Variants in NFATC2 observed in about 807,000 individuals in gnomAD.
NFATC2 encodes the protein nuclear factor of activated T-cells, cytoplasmic 2.
In NFATC2, 22 loss-of-function variants were observed where a neutral mutation model predicts 87.3. The observed-to-expected ratio is 0.25, with a 90% CI of 0.18 to 0.36. NFATC2 has a LOEUF of 0.36. Among genes scored for constraint, NFATC2 ranks in the 10% least tolerant of loss-of-function variants. NFATC2 has a pLI of 1.00. For missense variants in NFATC2, 1,149 were observed against 1,259.1 expected (o/e 0.91, Z 1.32); for synonymous variants, 565 against 542.2 (o/e 1.04, Z -0.58).
intron 3 of NFATC2, among the ~76,000 whole-genome samples, chr20:51,492,271 G>A (rs1165873062): frequency 6.6e-6 from 1 of 151,456 alleles, no homozygotes; most frequent in Non-Finnish European, 1.5e-5. Flanking sequence ...TGGCACCACC[G>A]AGCCCCGCCG....
chr20:51,432,851 G>T lies in NFATC2; in HGVS notation c.2033-95C>A. 1 of 1,147,634 alleles carries T rather than the reference G, an allele frequency of 8.7e-7. No individual in the cohort carries two copies. The highest frequency in any genetic ancestry group is 1.2e-6 in the Non-Finnish European group (1 of 851,190). 71.1% of individuals were successfully genotyped at this position (1,147,634 alleles called of 1,614,324 possible). ...GATGGTGCTTGAGAACATGGCCTTGGGAGTCCATACGGGTGGGACAAACAG... is the reference window on the plus strand; with the variant it reads ...GATGGTGCTTGAGAACATGGCCTTGTGAGTCCATACGGGTGGGACAAACAG... On this transcript the variant is annotated intron_variant, in intron 8 of 10. Coordinates refer to ENST00000371564, the MANE Select transcript of NFATC2 (RefSeq NM_012340.5). This position sits in a 1 kb window ranked among gnomAD's most constrained non-coding sequence, Gnocchi z 4.6.
chr20:51,501,652 T>A (rs951608463), intron 3 of NFATC2, among the ~76,000 whole-genome samples: 5 of 152,222 alleles, frequency 3.3e-5, no homozygotes, highest in Admixed American at 3.3e-4. Context: ...CCAGTCACTT[T>A]CCATCCCCCA....
chr20:51,536,912 C>A (rs977544660), intron 1 of NFATC2, among the ~76,000 whole-genome samples: 1 of 152,012 alleles, frequency 6.6e-6, no homozygotes, highest in African/African-American at 2.4e-5. Context: ...CACACACACA[C>A]ACACACACAC....
intron 2 of NFATC2, among the ~76,000 whole-genome samples, chr20:51,521,219 G>A (rs1475893805): frequency 1.3e-5 from 2 of 152,242 alleles, no homozygotes; most frequent in Non-Finnish European, 2.9e-5. Flanking sequence ...ATTTTCATCT[G>A]GTATGGGGGT....
chr20:51,446,828 G>A (rs976806692), intron 6 of NFATC2, among the ~76,000 whole-genome samples: 11 of 152,204 alleles, frequency 7.2e-5, no homozygotes, highest in Middle Eastern at 3.2e-3. Context: ...AGCCCGGGGG[G>A]CCACTGACAC....
chr20:51,407,589 G>A (rs1978529270), intron 9 of NFATC2, among the ~76,000 whole-genome samples: 1 of 152,194 alleles, frequency 6.6e-6, no homozygotes, highest in Non-Finnish European at 1.5e-5. Context: ...TGGTCACAAA[G>A]GAGGAGACAG....
intron 10 of NFATC2, among the ~76,000 whole-genome samples, chr20:51,396,026 A>ATTTGCCAAAACAG (rs1987028627): frequency 1.6e-5 from 2 of 126,712 alleles, no homozygotes; most frequent in African/African-American, 5.8e-5. Flanking sequence ...GTAGTTTGTC[A>ATTTGCCAAAACAG]GCTCCTAGTA....
intron 5 of NFATC2, among the ~76,000 whole-genome samples, 165 bp from the exon 6 acceptor site, chr20:51,454,853 T>C (rs553343354): frequency 1.3e-5 from 2 of 152,328 alleles, no homozygotes; most frequent in East Asian, 3.9e-4. Context: ...GACGTACAAA[T>C]GTTATGCCTT....
Position 51,523,148 on chromosome 20 carries a change from G to A in NFATC2, c.1093C>T (p.Pro365Ser). 1 of 1,614,240 alleles carries A rather than the reference G, an allele frequency of 6.2e-7. No individual in the cohort carries two copies. The highest frequency in any genetic ancestry group is 2.2e-5 in the East Asian group (1 of 44,890). Residue 365 changes from proline to serine, a missense_variant, in exon 2 of 11, where the codon CCA (proline) becomes TCA (serine). Transcript: ENST00000371564. This position sits in a 1 kb window ranked among gnomAD's most constrained non-coding sequence, Gnocchi z 6.9. ...GGCGGAACCAGCAGGATGGATTCTG[G>A]AGCCGAGTTTCTCCTCTCGCCCTGC... ...CEQGERRNSAPESILLVPPTW... is the reference protein window; with the variant it reads ...CEQGERRNSASESILLVPPTW...
chr20:51,442,138 A>T (rs1038386188), intron 6 of NFATC2, among the ~76,000 whole-genome samples: 1 of 152,180 alleles, frequency 6.6e-6, no homozygotes, highest in Non-Finnish European at 1.5e-5. Flanking sequence ...TGTTATATTA[A>T]AAAGCAGATT....
chr20:51,491,989 A>G (rs1481401327), intron 3 of NFATC2, among the ~76,000 whole-genome samples: 1 of 149,560 alleles, frequency 6.7e-6, no homozygotes, highest in Non-Finnish European at 1.5e-5. Context: ...GCACACACAT[A>G]CCCCCAGCCC....
intron 6 of NFATC2, 30 bp from the exon 7 acceptor site, chr20:51,435,791 A>T: frequency 6.4e-7 from 1 of 1,568,796 alleles, no homozygotes. Context: ...ACAGACTTTG[A>T]AGGAACTATT....
At chr20:51,541,215 A>G (rs1357200830) in intron 1 of NFATC2, among the ~76,000 whole-genome samples, 1 of 152,010 alleles carries the variant, frequency 6.6e-6, no homozygotes, top group East Asian at 1.9e-4. Context: ...CCTCCTTGAC[A>G]GGCTTCCTCC....
Position 51,387,819 on chromosome 20 carries a change from T to G in NFATC2, c.*3677A>C, listed in dbSNP as rs772926862. On this transcript the variant is annotated 3_prime_UTR_variant, in exon 11 of 11. Coordinates refer to ENST00000371564, the MANE Select transcript of NFATC2 (RefSeq NM_012340.5). ...CTCTTGTAAACTTGAAATGAAAACATTCTTTCAATTCTGAGCAATAGAAAG... is the reference window on the plus strand; with the variant it reads ...CTCTTGTAAACTTGAAATGAAAACAGTCTTTCAATTCTGAGCAATAGAAAG... 1.3e-5 allele frequency: 2 copies of G among 151,646 alleles called. No individual in the cohort carries two copies. The highest frequency in any genetic ancestry group is 2.1e-4 in the South Asian group (1 of 4,796). 9.4% of individuals were successfully genotyped at this position (151,646 alleles called of 1,614,324 possible).
At chr20:51,415,418 G>T (rs1357001901) in intron 9 of NFATC2, among the ~76,000 whole-genome samples, 3 of 152,224 alleles carry the variant, frequency 2.0e-5, no homozygotes, top group Non-Finnish European at 4.4e-5. Flanking sequence ...CACGCAGCAG[G>T]TATCTGGATG....
chr20:51,515,005 C>T (rs1372539877), intron 3 of NFATC2, among the ~76,000 whole-genome samples: 1 of 152,222 alleles, frequency 6.6e-6, no homozygotes, highest in Non-Finnish European at 1.5e-5. Context: ...TGCCTGGGGA[C>T]AGCTCCCCTG....
At chr20:51,522,963 A>C in intron 2 of NFATC2, 118 bp downstream of exon 2, 1 of 1,393,474 alleles carries the variant, frequency 7.2e-7, no homozygotes. Context: ...GGGCCAAGCC[A>C]AGATTTAAAT....
At position 51,401,615 on chromosome 20, in the gene NFATC2, T is replaced by TCTC. The variant is rs563554368; in HGVS notation, c.2723-2886_2723-2885insGAG. Among the ~76,000 whole-genome samples, 1,028 of 152,296 alleles carry TCTC rather than the reference T, an allele frequency of 6.8e-3. 12 individuals are homozygous for TCTC. Among genetic ancestry groups the TCTC allele is most frequent in the African/African-American group, 0.024 (980 of 41,562 alleles). On this transcript the variant is annotated intron_variant, in intron 9 of 10. Transcript: ENST00000371564. Reference sequence around the variant, plus strand: ...AGACTTACTACATGGTCCCTAAGTGTCATCTACAAATCCTCCCAAAGACAC... The same window carrying TCTC: ...AGACTTACTACATGGTCCCTAAGTGTCTCCATCTACAAATCCTCCCAAAGACAC...
chr20:51,454,526 A>T, intron 6 of NFATC2, 22 bp downstream of exon 6: 1 of 1,613,112 alleles, frequency 6.2e-7, no homozygotes, highest in South Asian at 1.1e-5. Flanking sequence ...GGGACAGAGA[A>T]AGAGCTCAAA....
Sources: allele counts gnomAD v4.1 joint callset (sites outside exome capture counted in the v4.1 genomes callset), GRCh38; gene constraint gnomAD v4.1.1; non-coding constraint Gnocchi (gnomAD v3.1); transcripts MANE v1.5; gene names NCBI Gene and HGNC (gene_info 2026-07-23, HGNC 2026-07-21).